Variants in NOPCHAP1 observed in about 807,000 individuals in gnomAD.
NOPCHAP1 encodes the protein DNA damage-sensitive RNA 1.
Under a neutral mutation model 14.0 loss-of-function variants are expected in NOPCHAP1, and 13 were observed. That is an observed-to-expected ratio of 0.93 (90% CI 0.60 to 1.47). The LOEUF (loss-of-function observed/expected upper bound fraction) is 1.47. Ranked by LOEUF, NOPCHAP1 falls within the 40% of genes most tolerant of loss-of-function variation. The pLI is 0.00. For missense variants in NOPCHAP1, 230 were observed against 226.9 expected (o/e 1.01, Z -0.09); for synonymous variants, 78 against 78.4 (o/e 1.00, Z 0.03).
In NOPCHAP1 at chr12:104,989,008, A is replaced by ATT. The variant is rs769118200; in HGVS notation, c.202+770_202+771dup. 3.5e-3 allele frequency among the ~76,000 whole-genome samples: 499 copies of ATT among 143,218 alleles called. 5 individuals are homozygous for ATT. The highest frequency in any genetic ancestry group is 0.012 in the African/African-American group (474 of 39,286). 94.0% of individuals were successfully genotyped at this position (143,218 alleles called of 152,430 possible). A position where few individuals can be genotyped will look rare whatever the true frequency, so the allele number is the denominator to read the frequency against. ...GAATTGCGGGTATATAGAAGGTGTAATTTTTTTTTTTTTTTTACGAAGAAG... is the reference window on the plus strand; with the variant it reads ...GAATTGCGGGTATATAGAAGGTGTAATTTTTTTTTTTTTTTTTTACGAAGAAG... On this transcript the variant is annotated intron_variant, in intron 2 of 3. Transcript: ENST00000552951.
intron 3 of NOPCHAP1, among the ~76,000 whole-genome samples, chr12:104,992,657 G>A (rs941262985): frequency 6.6e-6 from 1 of 152,192 alleles, no homozygotes; most frequent in Non-Finnish European, 1.5e-5. Flanking sequence ...AGGTCGCACA[G>A]CAGGAGGTGA....
In NOPCHAP1 at chr12:105,010,583, G is replaced by C. The variant is rs998775538; in HGVS notation, c.*15887G>C. Reference sequence around the variant, plus strand: ...TTGTGATGTTAGAGTATCGATTTTAGATCTTTCCCGCTTTCTCCTGTGGGC... The same window carrying C: ...TTGTGATGTTAGAGTATCGATTTTACATCTTTCCCGCTTTCTCCTGTGGGC... On this transcript the variant is annotated 3_prime_UTR_variant, in exon 4 of 4. Coordinates refer to ENST00000552951, the MANE Select transcript of NOPCHAP1 (RefSeq NM_152318.3). The C allele has an allele frequency of 3.3e-5, 5 of 152,142 alleles. No homozygotes were observed. The highest frequency in any genetic ancestry group is 7.4e-5 in the Non-Finnish European group (5 of 68,026). The allele number at this position is 152,142 out of a possible 1,614,324, so 9.4% of individuals were successfully genotyped here.
chr12:104,988,888 A>G (rs748722391), intron 2 of NOPCHAP1, among the ~76,000 whole-genome samples: 1 of 152,210 alleles, frequency 6.6e-6, no homozygotes, highest in Non-Finnish European at 1.5e-5. Context: ...CACTAAATCT[A>G]CAATAGCTGA....
rs544885441 is a variant in NOPCHAP1, at chr12:104,995,642, C to G, written c.*946C>G. On this transcript the variant is annotated 3_prime_UTR_variant, in exon 4 of 4. Transcript: ENST00000552951. ...CCCAACCACTACAAAGAGTGAGTCC[C>G]CAGGAGCCCCACTGTAATCTTTCCT... is the stretch of plus-strand genomic sequence containing the variant. 6.6e-6 allele frequency: 1 copy of G among 151,990 alleles called. No individual in the cohort carries two copies. The highest frequency in any genetic ancestry group is 2.1e-4 in the South Asian group (1 of 4,802). The allele number at this position is 151,990 out of a possible 1,614,324, so 9.4% of individuals were successfully genotyped here.
At chr12:104,992,117 C>T (rs1873390755) in intron 3 of NOPCHAP1, among the ~76,000 whole-genome samples, 1 of 152,014 alleles carries the variant, frequency 6.6e-6, no homozygotes, top group South Asian at 2.1e-4. Flanking sequence ...TCTGTCCAAG[C>T]CCCAAAAGAG....
rs1260296150 is a variant in NOPCHAP1 at position 104,994,172 on chromosome 12, C to G, written c.340-306C>G. ...CCAGCCTGGCCAACAGGGTGAAACC[C>G]CATCTCTACTGAAAATACAAAAATT... On this transcript the variant is annotated intron_variant, in intron 3 of 3. Coordinates refer to ENST00000552951, the MANE Select transcript of NOPCHAP1 (RefSeq NM_152318.3). Among the ~76,000 whole-genome samples the G allele has an allele frequency of 2.6e-5, 4 of 152,204 alleles. No individual in the cohort carries two copies. The East Asian group carries it at 7.7e-4, about 29-fold the overall frequency.
chr12:104,995,916 C>G lies in NOPCHAP1; in HGVS notation c.*1220C>G, dbSNP rs2136027998. The G allele has an allele frequency of 6.6e-6, 1 of 152,020 alleles. No individual in the cohort carries two copies. Among genetic ancestry groups the G allele is most frequent in the East Asian group, 1.9e-4 (1 of 5,168 alleles). 9.4% of individuals were successfully genotyped at this position (152,020 alleles called of 1,614,324 possible). ...TGTTAGCCAGGATGGTCTCAATCTC[C>G]TGACCTCGTGTTCCACCCTTCTTGA... On this transcript the variant is annotated 3_prime_UTR_variant, in exon 4 of 4. Transcript: ENST00000552951.
At chr12:104,989,718 T>C (rs1873329436) in intron 2 of NOPCHAP1, among the ~76,000 whole-genome samples, 1 of 152,198 alleles carries the variant, frequency 6.6e-6, no homozygotes, top group Admixed American at 6.5e-5. Context: ...TGCTCCTGTC[T>C]CGCCTCTCCT....
intron 1 of NOPCHAP1, among the ~76,000 whole-genome samples, chr12:104,986,814 G>A (rs947170406): frequency 6.6e-6 from 1 of 152,174 alleles, no homozygotes; most frequent in Non-Finnish European, 1.5e-5. Flanking sequence ...TGGTTTGGCT[G>A]CCTGGGTCGG....
At position 104,986,459 on chromosome 12, in the gene NOPCHAP1, G is replaced by A. The variant is rs1873235866; in HGVS notation, c.107G>A (p.Gly36Asp). 6.2e-7 allele frequency: 1 copy of A among 1,601,792 alleles called. No individual in the cohort carries two copies. Among genetic ancestry groups the A allele is most frequent in the Non-Finnish European group, 8.5e-7 (1 of 1,173,082 alleles). ...SKELLTAGSD[G>D]RGGIWDRLLI... Reference sequence around the variant, plus strand: ...GAGCTGCTGACGGCGGGAAGCGACGGCCGCGGAGGTGACGGACGGGTGACG... The same window carrying A: ...GAGCTGCTGACGGCGGGAAGCGACGACCGCGGAGGTGACGGACGGGTGACG... The change falls in exon 1 of 4, where the codon GGC becomes GAC. Residue 36 changes from glycine to aspartate, a missense_variant. By Grantham distance (94) the Gly-to-Asp change is moderately conservative (BLOSUM62 -1). Transcript: ENST00000552951.
rs1873837192 is a variant in NOPCHAP1 at position 105,011,975 on chromosome 12, T to A, written c.*17279T>A. On this transcript the variant is annotated 3_prime_UTR_variant, in exon 4 of 4. Coordinates refer to ENST00000552951, the MANE Select transcript of NOPCHAP1 (RefSeq NM_152318.3). ...ATCTGATGATTATGTGTCTTGGGGT[T>A]GCTCTTCTCGAGGAATATCTTCATG... is the stretch of plus-strand genomic sequence containing the variant. 6.6e-6 allele frequency: 1 copy of A among 152,218 alleles called. No homozygotes were observed. Among genetic ancestry groups the A allele is most frequent in the Admixed American group, 6.5e-5 (1 of 15,288 alleles). The allele number at this position is 152,218 out of a possible 1,614,324, so 9.4% of individuals were successfully genotyped here. A position where few individuals can be genotyped will look rare whatever the true frequency, so the allele number is the denominator to read the frequency against.
Position 105,009,190 on chromosome 12 carries a change from A to T in NOPCHAP1, c.*14494A>T, listed in dbSNP as rs183638352. 1 of 152,320 alleles carries T rather than the reference A, an allele frequency of 6.6e-6. No homozygotes were observed. Among genetic ancestry groups the T allele is most frequent in the East Asian group, 1.9e-4 (1 of 5,186 alleles). The allele number at this position is 152,320 out of a possible 1,614,324, so 9.4% of individuals were successfully genotyped here. A position where few individuals can be genotyped will look rare whatever the true frequency, so the allele number is the denominator to read the frequency against. On this transcript the variant is annotated 3_prime_UTR_variant, in exon 4 of 4. Coordinates refer to ENST00000552951, the MANE Select transcript of NOPCHAP1 (RefSeq NM_152318.3). The stretch of plus-strand genomic sequence containing the variant: ...AGTTCTCCTTGAAGAGGTCCTTCAC[A>T]TCCCTAGTAAGTTGGATTCCTAGGT...
At position 104,994,405 on chromosome 12, in the gene NOPCHAP1, T is replaced by C. The variant is rs1000358780; in HGVS notation, c.340-73T>C. On this transcript the variant is annotated intron_variant, in intron 3 of 3. Coordinates refer to ENST00000552951, the MANE Select transcript of NOPCHAP1 (RefSeq NM_152318.3). ...AATATGTTTGCTGAATGTTGGTTCT[T>C]CCCAATATTGTTTTATTACGACTTT... The C allele has an allele frequency of 1.3e-5, 17 of 1,324,106 alleles. No individual in the cohort carries two copies. The Admixed American group carries it at 2.4e-4, about 19-fold the overall frequency. The allele number at this position is 1,324,106 out of a possible 1,614,324, so 82.0% of individuals were successfully genotyped here. A position where few individuals can be genotyped will look rare whatever the true frequency, so the allele number is the denominator to read the frequency against.
rs576918782 is a variant in NOPCHAP1, at chr12:105,017,123, G to T, written c.*22427G>T. ...TCTGTTCCAATAACATTTTAATTGC[G>T]CATCAAATATGGTACTTATTTTTAA... On this transcript the variant is annotated 3_prime_UTR_variant, in exon 4 of 4. Transcript: ENST00000552951. The T allele has an allele frequency of 6.6e-6, 1 of 152,026 alleles. No individual in the cohort carries two copies. Among genetic ancestry groups the T allele is most frequent in the African/African-American group, 2.4e-5 (1 of 41,372 alleles). 9.4% of individuals were successfully genotyped at this position (152,026 alleles called of 1,614,324 possible).
chr12:105,003,288 G>A lies in NOPCHAP1; in HGVS notation c.*8592G>A, dbSNP rs943082115. On this transcript the variant is annotated 3_prime_UTR_variant, in exon 4 of 4. Coordinates refer to ENST00000552951, the MANE Select transcript of NOPCHAP1 (RefSeq NM_152318.3). ...GTGTGAGTTTCATTTTTCTAGAAAA[G>A]CAACATGCCCTGAGTCTGTAGTTCT... 5 of 152,112 alleles carry A rather than the reference G, an allele frequency of 3.3e-5. No homozygotes were observed. The highest frequency in any genetic ancestry group is 7.4e-5 in the Non-Finnish European group (5 of 68,026). 9.4% of individuals were successfully genotyped at this position (152,112 alleles called of 1,614,324 possible). A position where few individuals can be genotyped will look rare whatever the true frequency, so the allele number is the denominator to read the frequency against.
chr12:104,994,735 C>G lies in NOPCHAP1; in HGVS notation c.*39C>G. 1 of 1,510,864 alleles carries G rather than the reference C, an allele frequency of 6.6e-7. No homozygotes were observed. Among genetic ancestry groups the G allele is most frequent in the Non-Finnish European group, 9.1e-7 (1 of 1,100,066 alleles). The allele number at this position is 1,510,864 out of a possible 1,614,324, so 93.6% of individuals were successfully genotyped here. ...CTGAAAAGAAACAGGTGACATATGT[C>G]TGCAAATTCTGTGAAAAAGAATGTG... On this transcript the variant is annotated 3_prime_UTR_variant, in exon 4 of 4. Coordinates refer to ENST00000552951, the MANE Select transcript of NOPCHAP1 (RefSeq NM_152318.3).
intron 2 of NOPCHAP1, 94 bp downstream of exon 2, chr12:104,988,347 AC>A: frequency 1.1e-6 from 1 of 944,262 alleles, no homozygotes; most frequent in Non-Finnish European, 1.6e-6. Flanking sequence ...CAGGTATCAA[AC>A]CACAGATAGT....
intron 3 of NOPCHAP1, among the ~76,000 whole-genome samples, chr12:104,992,262 A>G (rs915034308): frequency 4.6e-5 from 7 of 152,342 alleles, no homozygotes; most frequent in Admixed American, 3.9e-4. Flanking sequence ...AATTCCGTTT[A>G]TAATATCTGT....
chr12:104,991,591 ACT>A, intron 2 of NOPCHAP1, 119 bp from the exon 3 acceptor site: 1 of 1,006,816 alleles, frequency 9.9e-7, no homozygotes, highest in East Asian at 2.7e-5. Context: ...AATGAAGGGA[ACT>A]AAAAGATATG....
Sources: gnomAD v4.1 joint callset for allele counts (sites outside exome capture counted in the v4.1 genomes callset) on GRCh38, gnomAD v4.1.1 for gene constraint, MANE v1.5 for transcripts, NCBI Gene and HGNC (gene_info 2026-07-23, HGNC 2026-07-21) for gene names.